PEX16: variants seen among roughly 807,000 people sequenced by gnomAD.
PEX16 encodes the protein peroxisomal biogenesis factor 16, also known as peroxin 16.
PEX16 carries 37 observed loss-of-function variants against 50.5 expected under a neutral mutation model. The observed-to-expected ratio is 0.73, with a 90% CI of 0.56 to 0.96. The LOEUF is 0.96. Among genes scored for constraint, PEX16 ranks in the 40% least tolerant of loss-of-function variants. The pLI is 0.00. For synonymous variants in PEX16, 185 were observed against 190.3 expected, an observed-to-expected ratio of 0.97 and a Z score of 0.23; for missense variants, 401 against 438.3, an observed-to-expected ratio of 0.91 and a Z score of 0.76.
chr11:45,914,461 G>A lies in PEX16; in HGVS notation c.549C>T (p.Ser183=). The part of the protein sequence containing the change: ...RVVRTLQNTP[S]LHSRHWGAPQ... ...GAGCTCCCCAGTGCCTGGAGTGCAG[G>A]GACGGCGCTAGAACACAAGGGCGGC... Residue 183 remains serine (S), a synonymous_variant, in exon 7 of 11, where the codon TCC becomes TCT. Transcript: ENST00000378750. 1 of 1,607,862 alleles carries A rather than the reference G, an allele frequency of 6.2e-7. No homozygotes were observed. The highest frequency in any genetic ancestry group is 1.3e-5 in the African/African-American group (1 of 74,980).
At chr11:45,916,062 G>A (rs968811054) in intron 3 of PEX16, among the ~76,000 whole-genome samples, 165 bp downstream of exon 3, 4 of 151,898 alleles carry the variant, frequency 2.6e-5, no homozygotes, top group African/African-American at 9.7e-5. Context: ...ATCTAAGATG[G>A]GAATACTCAC....
At chr11:45,911,673 C>T (rs2086779880) in intron 9 of PEX16, among the ~76,000 whole-genome samples, 1 of 152,230 alleles carries the variant, frequency 6.6e-6, no homozygotes, top group Non-Finnish European at 1.5e-5. Flanking sequence ...TTGCCCAAGG[C>T]TACACATCTG....
intron 2 of PEX16, 25 bp downstream of exon 2, chr11:45,917,432 TC>T (rs766577067): frequency 8.1e-6 from 13 of 1,611,040 alleles, no homozygotes; most frequent in Non-Finnish European, 1.1e-5. Flanking sequence ...CGATCCCCCA[TC>T]CCCCACCCCC....
rs751814237 is a variant in PEX16 at position 45,914,456 on chromosome 11, T to A, written c.554A>T (p.His185Leu). Reference protein sequence around the residue: ...VRTLQNTPSLHSRHWGAPQQR... With the variant: ...VRTLQNTPSLLSRHWGAPQQR... ...CTGGGGAGCTCCCCAGTGCCTGGAG[T>A]GCAGGGACGGCGCTAGAACACAAGG... The change falls in exon 7 of 11, where the codon CAC becomes CTC. Residue 185 changes from histidine (H) to leucine (L), a missense_variant. By Grantham distance (99) the His-to-Leu change is moderately conservative. Transcript: ENST00000378750. The A allele has an allele frequency of 6.2e-7, 1 of 1,607,654 alleles. No individual in the cohort carries two copies. The highest frequency in any genetic ancestry group is 1.1e-5 in the South Asian group (1 of 91,034).
intron 5 of PEX16, 49 bp downstream of exon 5, chr11:45,915,419 A>G (rs1168534791): frequency 2.8e-6 from 4 of 1,414,036 alleles, no homozygotes; most frequent in Non-Finnish European, 4.0e-6. Context: ...TAAATCCTCA[A>G]GTTAGTCCCA....
At chr11:45,914,050 G>A (rs1239527656) in intron 8 of PEX16, 81 bp downstream of exon 8, 12 of 1,564,734 alleles carry the variant, frequency 7.7e-6, no homozygotes, top group East Asian at 4.7e-5. Flanking sequence ...AGCAGGGGCC[G>A]CTGCCACCCC....
At chr11:45,913,229 G>A (rs1590794841) in intron 9 of PEX16, among the ~76,000 whole-genome samples, 1 of 152,282 alleles carries the variant, frequency 6.6e-6, no homozygotes, top group African/African-American at 2.4e-5. Context: ...CTGTCAGACT[G>A]TGGTCTAACC....
At position 45,917,096 on chromosome 11, in the gene PEX16, T is replaced by C. The variant is rs867980689; in HGVS notation, c.148+362A>G. On this transcript the variant is annotated intron_variant, in intron 2 of 10. Transcript: ENST00000378750. The stretch of plus-strand genomic sequence containing the variant: ...TGGGAGATCTAGACTTGAATCTTGG[T>C]TCTGGGACCATCAGTGACTGTTCTC... 7 of 572,484 alleles carry C rather than the reference T, an allele frequency of 1.2e-5. No individual in the cohort carries two copies. In the Middle Eastern group the frequency reaches 8.0e-4, roughly 65 times the overall value. 35.5% of individuals were successfully genotyped at this position (572,484 alleles called of 1,614,324 possible). A position where few individuals can be genotyped will look rare whatever the true frequency, so the allele number is the denominator to read the frequency against.
intron 5 of PEX16, among the ~76,000 whole-genome samples, chr11:45,914,890 T>C (rs1413647774): frequency 6.6e-6 from 1 of 152,170 alleles, no homozygotes; most frequent in Non-Finnish European, 1.5e-5. Context: ...CAGCCCTCCC[T>C]AGCCTGGGGA....
intron 5 of PEX16, 77 bp downstream of exon 5, chr11:45,915,390 TA>T (rs1393815078): frequency 2.8e-5 from 29 of 1,041,338 alleles, no homozygotes; most frequent in Non-Finnish European, 4.2e-5. Context: ...GATACTACTG[TA>T]TTCATGCTGG....
At position 45,914,452 on chromosome 11, in the gene PEX16, G is replaced by T; in HGVS notation, c.558C>A (p.Ser186=). Residue 186 remains serine, a synonymous_variant, in exon 7 of 11, where the codon TCC becomes TCA. Coordinates refer to ENST00000378750, the MANE Select transcript of PEX16 (RefSeq NM_004813.4). ...GCTGCTGGGGAGCTCCCCAGTGCCT[G>T]GAGTGCAGGGACGGCGCTAGAACAC... The part of the protein sequence containing the change: ...RTLQNTPSLH[S]RHWGAPQQRE... The T allele has an allele frequency of 6.2e-7, 1 of 1,608,304 alleles. No individual in the cohort carries two copies.
chr11:45,912,331 T>C (rs994942020), intron 9 of PEX16, among the ~76,000 whole-genome samples: 1 of 151,896 alleles, frequency 6.6e-6, no homozygotes, highest in African/African-American at 2.4e-5. Flanking sequence ...ACCCCATCTC[T>C]ACTAAAAAAT....
chr11:45,917,085 T>A, intron 2 of PEX16: 1 of 556,410 alleles, frequency 1.8e-6, no homozygotes, highest in Admixed American at 2.2e-5. Context: ...AGATCTAGAC[T>A]TGAATCTTGG....
Position 45,910,980 on chromosome 11 carries a change from T to C in PEX16, c.888-18A>G. 1 of 1,590,766 alleles carries C rather than the reference T, an allele frequency of 6.3e-7. No individual in the cohort carries two copies. The highest frequency in any genetic ancestry group is 8.6e-7 in the Non-Finnish European group (1 of 1,160,068). ...TCCTGGCCCTGGGGGAGGCAATAAATGGGGAGCAAGCTGAGTGGGGTGGGG... is the reference window on the plus strand; with the variant it reads ...TCCTGGCCCTGGGGGAGGCAATAAACGGGGAGCAAGCTGAGTGGGGTGGGG... On this transcript the variant is annotated intron_variant, in intron 9 of 10. Transcript: ENST00000378750.
chr11:45,917,574 C>T lies in PEX16; in HGVS notation c.113-81G>A, dbSNP rs1321335886. On this transcript the variant is annotated intron_variant, in intron 1 of 10. Transcript: ENST00000378750. ...TCGGGTCCCGGAAATCCCCTCCCTA[C>T]GCCCTTTGGGAACCTGGACGGGTCT... 3.9e-6 allele frequency: 6 copies of T among 1,556,824 alleles called. No homozygotes were observed. The Admixed American group carries it at 1.1e-4, about 28-fold the overall frequency.
chr11:45,917,434 C>G (rs1377524765), intron 2 of PEX16, 24 bp downstream of exon 2: 2 of 1,612,432 alleles, frequency 1.2e-6, no homozygotes, highest in East Asian at 4.5e-5. Flanking sequence ...ATCCCCCATC[C>G]CCCACCCCCA....
At chr11:45,913,699 A>T (rs2086800497) in intron 9 of PEX16, 120 bp downstream of exon 9, 1 of 1,186,900 alleles carries the variant, frequency 8.4e-7, no homozygotes. Context: ...CACCCGGACA[A>T]CACACAGTGC....
intron 5 of PEX16, among the ~76,000 whole-genome samples, chr11:45,915,192 C>A (rs1156601559): frequency 6.6e-6 from 1 of 152,246 alleles, no homozygotes; most frequent in Non-Finnish European, 1.5e-5. Context: ...CAGAACCAGG[C>A]TCAGAGTCGA....
At chr11:45,915,285 TTC>T (rs1451853299) in intron 5 of PEX16, among the ~76,000 whole-genome samples, 181 bp downstream of exon 5, 3 of 152,244 alleles carry the variant, frequency 2.0e-5, no homozygotes, top group Non-Finnish European at 4.4e-5. Flanking sequence ...TGGGTTCGTG[TTC>T]TGATTTTGTC....
Sources: allele counts gnomAD v4.1 joint callset (sites outside exome capture counted in the v4.1 genomes callset), GRCh38; gene constraint gnomAD v4.1.1; transcripts MANE v1.5; gene names NCBI Gene and HGNC (gene_info 2026-07-23, HGNC 2026-07-21).